Variants in ABCC5 observed in about 807,000 individuals in gnomAD.
ABCC5 encodes ATP-binding cassette sub-family C member 5.
In ABCC5, 61 loss-of-function variants were observed where a neutral mutation model predicts 160.9. That is an observed-to-expected ratio of 0.38 (90% CI 0.31 to 0.47). The LOEUF is 0.47. ABCC5 is among the 20% of genes least tolerant of loss of function. ABCC5 has a pLI of 0.99. For missense variants in ABCC5, 1,308 were observed against 1,813.3 expected (o/e 0.72, Z 5.06); for synonymous variants, 666 against 700.6 (o/e 0.95, Z 0.78).
At chr3:183,956,006 TCGGTTACA>T (rs1715882182) in intron 17 of ABCC5, among the ~76,000 whole-genome samples, 1 of 142,984 alleles carries the variant, frequency 7.0e-6, no homozygotes. Context: ...GTATATCACA[TCGGTTACA>T]TGTTCATCCA....
In ABCC5 at chr3:183,951,711, T is replaced by C. The variant is rs993209568; in HGVS notation, c.2815-141A>G. ...GGGACAGGTGGCAAGTGAGAAAAGG[T>C]GGAGGCTAACGGAATATGAGTCATC... On this transcript the variant is annotated intron_variant, in intron 19 of 29. Coordinates refer to ENST00000334444, the MANE Select transcript of ABCC5 (RefSeq NM_005688.4). The surrounding 1 kb of genome is among the most constrained non-coding windows in gnomAD (Gnocchi z 4.7). 4.8e-6 allele frequency: 7 copies of C among 1,465,924 alleles called. No homozygotes were observed. In the South Asian group the frequency reaches 7.7e-5, roughly 16 times the overall value. 90.8% of individuals were successfully genotyped at this position (1,465,924 alleles called of 1,614,324 possible).
chr3:183,992,712 C>T (rs1719882366), intron 2 of ABCC5, among the ~76,000 whole-genome samples: 2 of 152,148 alleles, frequency 1.3e-5, no homozygotes, highest in South Asian at 4.1e-4. Flanking sequence ...CGGTGTGAAC[C>T]TGGGAGGCGG....
chr3:183,963,246 G>C lies in ABCC5; in HGVS notation c.2235+139C>G. On this transcript the variant is annotated intron_variant, in intron 15 of 29. Coordinates refer to ENST00000334444, the MANE Select transcript of ABCC5 (RefSeq NM_005688.4). The surrounding 1 kb of genome is among the most constrained non-coding windows in gnomAD (Gnocchi z 4.6). ...TGGTACAGTGAGCTTTATTGGTACA[G>C]GGGGCTAATTTGCTAAGAAAATGAA... 1 of 837,814 alleles carries C rather than the reference G, an allele frequency of 1.2e-6. No individual in the cohort carries two copies. Among genetic ancestry groups the C allele is most frequent in the Non-Finnish European group, 1.9e-6 (1 of 520,628 alleles). The allele number at this position is 837,814 out of a possible 1,614,324, so 51.9% of individuals were successfully genotyped here. A position where few individuals can be genotyped will look rare whatever the true frequency, so the allele number is the denominator to read the frequency against.
intron 9 of ABCC5, among the ~76,000 whole-genome samples, chr3:183,978,210 C>T (rs1255866610): frequency 6.6e-6 from 1 of 152,238 alleles, no homozygotes; most frequent in African/African-American, 2.4e-5. Context: ...CCCCACTCTT[C>T]TGCTTCTCAG....
chr3:183,995,079 C>T (rs1263030779), intron 2 of ABCC5, among the ~76,000 whole-genome samples: 2 of 152,016 alleles, frequency 1.3e-5, no homozygotes, highest in African/African-American at 2.4e-5. Context: ...CTCCTGGGCT[C>T]AAGCGATCCT....
At chr3:184,016,277 G>A (rs1270173718) in intron 1 of ABCC5, among the ~76,000 whole-genome samples, 1 of 152,156 alleles carries the variant, frequency 6.6e-6, no homozygotes, top group Non-Finnish European at 1.5e-5. Flanking sequence ...TGTATGAAGG[G>A]TGTGGGGAAC....
rs1187613863 is a variant in ABCC5, at chr3:183,927,189, G to T, written c.4047+141C>A. ...ACCAATATACCCAAATTGTGTCAGGGTTAGAGTTATCTCTGGTCATGCTCT... is the reference window on the plus strand; with the variant it reads ...ACCAATATACCCAAATTGTGTCAGGTTTAGAGTTATCTCTGGTCATGCTCT... On this transcript the variant is annotated intron_variant, in intron 28 of 29. Transcript: ENST00000334444. 24 of 822,308 alleles carry T rather than the reference G, an allele frequency of 2.9e-5. No individual in the cohort carries two copies. The East Asian group carries it at 3.7e-4, about 13-fold the overall frequency. 50.9% of individuals were successfully genotyped at this position (822,308 alleles called of 1,614,324 possible).
At chr3:183,970,914 T>C (rs1240045331) in intron 11 of ABCC5, among the ~76,000 whole-genome samples, 1 of 152,196 alleles carries the variant, frequency 6.6e-6, no homozygotes, top group Non-Finnish European at 1.5e-5. Flanking sequence ...AGTTTGATAC[T>C]CATGAAATGG....
Position 184,014,396 on chromosome 3 carries a change from C to T in ABCC5, c.-4G>A. ...TTCCTATGTCGATATCCTTCATCTTCTCTGAGTGGAGGTTCCAGGGCTCAC... is the reference window on the plus strand; with the variant it reads ...TTCCTATGTCGATATCCTTCATCTTTTCTGAGTGGAGGTTCCAGGGCTCAC... On this transcript the variant is annotated 5_prime_UTR_variant, in exon 2 of 30. Transcript: ENST00000334444. The T allele has an allele frequency of 6.2e-7, 1 of 1,609,192 alleles. No homozygotes were observed. Among genetic ancestry groups the T allele is most frequent in the South Asian group, 1.1e-5 (1 of 90,090 alleles).
chr3:183,953,276 T>A lies in ABCC5; in HGVS notation c.2483-6A>T. On this transcript the variant is annotated splice_region_variant and splice_polypyrimidine_tract_variant and intron_variant, in intron 17 of 29. Coordinates refer to ENST00000334444, the MANE Select transcript of ABCC5 (RefSeq NM_005688.4). ...TTCCAGCTGCACAAGCTGCCCTAGG[T>A]AAGAAAAAAAGAAACATGGACTCAG... 1 of 1,585,680 alleles carries A rather than the reference T, an allele frequency of 6.3e-7. No homozygotes were observed. Among genetic ancestry groups the A allele is most frequent in the Admixed American group, 1.9e-5 (1 of 53,314 alleles).
In ABCC5 at chr3:183,959,851, A is replaced by G. The variant is rs1716564893; in HGVS notation, c.2380-16T>C. On this transcript the variant is annotated splice_polypyrimidine_tract_variant and intron_variant, in intron 16 of 29. Coordinates refer to ENST00000334444, the MANE Select transcript of ABCC5 (RefSeq NM_005688.4). ...TTGAATTGATCTAATAATATTTAAAAAAAAAAGTCTCCAGTCATGTTAGCC... is the reference window on the plus strand; with the variant it reads ...TTGAATTGATCTAATAATATTTAAAGAAAAAAGTCTCCAGTCATGTTAGCC... The G allele has an allele frequency of 6.4e-7, 1 of 1,567,188 alleles. No individual in the cohort carries two copies. Among genetic ancestry groups the G allele is most frequent in the African/African-American group, 1.4e-5 (1 of 72,836 alleles).
At chr3:183,985,697 G>C (rs1719149060) in intron 5 of ABCC5, 8 of 399,496 alleles carry the variant, frequency 2.0e-5, no homozygotes, top group South Asian at 1.7e-4. Context: ...TGTAAGTGTA[G>C]CAATGTGGCT....
At chr3:184,004,506 C>CAAAA (rs34319740) in intron 2 of ABCC5, among the ~76,000 whole-genome samples, 1 of 77,244 alleles carries the variant, frequency 1.3e-5, no homozygotes, top group Non-Finnish European at 2.6e-5. Flanking sequence ...GACTCCGTCT[C>CAAAA]AAAAAAAAAA....
chr3:183,997,925 G>C (rs185102342), intron 2 of ABCC5, among the ~76,000 whole-genome samples: 3 of 152,168 alleles, frequency 2.0e-5, no homozygotes, highest in East Asian at 1.9e-4. Context: ...GGGACTACAG[G>C]CATGCACTAC....
At chr3:183,969,535 T>C (rs1011246998) in intron 11 of ABCC5, among the ~76,000 whole-genome samples, 3 of 151,822 alleles carry the variant, frequency 2.0e-5, no homozygotes, top group Non-Finnish European at 4.4e-5. Context: ...CTACTAAAAA[T>C]ACAAAAATTA....
intron 16 of ABCC5, 55 bp from the exon 17 acceptor site, chr3:183,959,890 T>C: frequency 1.6e-6 from 2 of 1,257,032 alleles, no homozygotes; most frequent in Admixed American, 4.1e-5. Flanking sequence ...CAGATGAATG[T>C]CCACAGGATA....
intron 28 of ABCC5, among the ~76,000 whole-genome samples, chr3:183,926,745 G>C (rs1190930472): frequency 6.6e-6 from 1 of 151,704 alleles, no homozygotes; most frequent in Admixed American, 6.6e-5. Flanking sequence ...AAAGTCTCTT[G>C]CAATTTTAAA....
rs1178978405 is a variant in ABCC5, at chr3:183,987,882, A to T, written c.479T>A (p.Val160Asp). 1.2e-6 allele frequency: 2 copies of T among 1,613,996 alleles called. No homozygotes were observed. Among genetic ancestry groups the T allele is most frequent in the East Asian group, 4.5e-5 (2 of 44,900 alleles). The change falls in exon 5 of 30, where the codon GTT becomes GAT. Residue 160 changes from valine (V) to aspartate (D), a missense_variant. By Grantham distance (152) the Val-to-Asp change is radical. Around this residue, in one of 3 missense-constraint regions of ABCC5, gnomAD observed 1,142 missense variants for 1,527.1 expected, o/e 0.75. Transcript: ENST00000334444. This position sits in a 1 kb window ranked among gnomAD's most constrained non-coding sequence, Gnocchi z 4.2. The stretch of plus-strand genomic sequence containing the variant: ...TCGCAGGGAAGCAGCGTCTGGCCCA[A>T]CTTCATTCAGCTCTTCTTGCCACAG... ...ERLWQEELNE[V>D]GPDAASLRRV... is the part of the protein sequence containing the mutation.
chr3:184,009,981 C>A, intron 2 of ABCC5: 1 of 428,492 alleles, frequency 2.3e-6, no homozygotes, highest in Non-Finnish European at 4.7e-6. Flanking sequence ...AGTGCCTCTA[C>A]AAAAAAACAA....
Sources: gnomAD v4.1 joint callset for allele counts (sites outside exome capture counted in the v4.1 genomes callset) on GRCh38, gnomAD v4.1.1 for gene constraint, gnomAD v4.1.1 regional missense constraint, Gnocchi (gnomAD v3.1) non-coding constraint, MANE v1.5 for transcripts, NCBI Gene and HGNC (gene_info 2026-07-23, HGNC 2026-07-21) for gene names.